Variants in CROCC observed in about 807,000 individuals in gnomAD.
The protein encoded by CROCC is rootletin.
A neutral mutation model predicts 245.2 loss-of-function variants in CROCC; 180 were observed. That is an observed-to-expected ratio of 0.73 (90% confidence interval 0.65 to 0.83). The LOEUF (loss-of-function observed/expected upper bound fraction) is 0.83. CROCC is among the 40% of genes least tolerant of loss of function. CROCC has a pLI of 0.00. For synonymous variants in CROCC, 1,205 were observed against 1,241.6 expected (o/e 0.97, Z 0.62); for missense variants, 2,688 against 2,779.4 (o/e 0.97, Z 0.74).
chr1:16,971,132 T>TTGCACATACACA (rs1464162310), intron 35 of CROCC, among the ~76,000 whole-genome samples: 1 of 152,126 alleles, frequency 6.6e-6, no homozygotes, highest in African/African-American at 2.4e-5. Context: ...AGTTGGGCCT[T>TTGCACATACACA]TGCACATACA....
intron 13 of CROCC, among the ~76,000 whole-genome samples, chr1:16,940,553 A>AT (rs1206500335): frequency 2.6e-4 from 39 of 152,188 alleles, no homozygotes; most frequent in Non-Finnish European, 5.4e-4. Flanking sequence ...CGCCCGGCTA[A>AT]TTTTTTTTGT....
upstream of CROCC, among the ~76,000 whole-genome samples, chr1:16,920,279 A>G (rs2075376494): frequency 1.3e-5 from 2 of 152,234 alleles, no homozygotes; most frequent in Admixed American, 6.5e-5. Flanking sequence ...GGGTTTCACC[A>G]TGTAGGCCAG....
chr1:16,922,295 G>A (rs115619445), intron 1 of CROCC, among the ~76,000 whole-genome samples: 5,265 of 151,174 alleles, frequency 0.035, no homozygotes, highest in Middle Eastern at 0.061. Flanking sequence ...AGTGCCCTGG[G>A]TTGGGAGAAG....
intron 8 of CROCC, among the ~76,000 whole-genome samples, chr1:16,934,075 C>T (rs1303304599): frequency 6.6e-6 from 1 of 152,230 alleles, no homozygotes; most frequent in Non-Finnish European, 1.5e-5. Flanking sequence ...ATCAAGACTC[C>T]ATAAGTAGAA....
At chr1:16,921,917 G>C (rs2075414735), upstream of CROCC, 1 of 1,252,510 alleles carries the variant, frequency 8.0e-7, no homozygotes, top group Admixed American at 2.1e-5. Context: ...AGCTTAATCT[G>C]CCTGGTGCTC....
intron 1 of CROCC, among the ~76,000 whole-genome samples, chr1:16,915,381 A>G (rs886300320): frequency 2.0e-5 from 3 of 152,294 alleles, no homozygotes; most frequent in Non-Finnish European, 4.4e-5. Flanking sequence ...TGGAAGTGAC[A>G]GTGAGCTAAG....
chr1:16,930,590 A>G lies in CROCC; in HGVS notation c.845A>G (p.Glu282Gly), dbSNP rs777191621. 1.2e-6 allele frequency: 2 copies of G among 1,608,872 alleles called. No individual in the cohort carries two copies. Among genetic ancestry groups the G allele is most frequent in the East Asian group, 4.5e-5 (2 of 44,834 alleles). The change falls in exon 7 of 37, where the codon GAG becomes GGG. Residue 282 changes from glutamate (E) to glycine (G), a missense_variant. Around this residue, in one of 9 missense-constraint regions of CROCC, gnomAD observed 972 missense variants for 895.3 expected, o/e 1.09. Transcript: ENST00000375541. Reference sequence around the variant, plus strand: ...CGGGAGGCGGCGTGGAGGCGCGAGGAGGAGGTGGGCATGGGGGTGCAGGGA... The same window carrying G: ...CGGGAGGCGGCGTGGAGGCGCGAGGGGGAGGTGGGCATGGGGGTGCAGGGA... ...EHREAAWRRE[E>G]ESFNAYFSNE... is the part of the protein sequence containing the mutation.
chr1:16,938,108 C>T (rs574022830), intron 10 of CROCC, among the ~76,000 whole-genome samples: 97 of 152,382 alleles, frequency 6.4e-4, no homozygotes, highest in African/African-American at 2.2e-3. Flanking sequence ...GGGACACTCA[C>T]TCCCCCAGGG....
rs571212345 is a variant in CROCC at position 16,967,511 on chromosome 1, G to A, written c.4861-692G>A. Among the ~76,000 whole-genome samples the A allele has an allele frequency of 3.4e-4, 52 of 152,336 alleles. 1 individual carries two copies. The South Asian group carries it at 0.011, about 31-fold the overall frequency. Reference sequence around the variant, plus strand: ...GCAGGAGGAGGCCAGGAACAAAGCTGGGCAGGAGCCAGAGTGGGGGCCCCA... The same window carrying A: ...GCAGGAGGAGGCCAGGAACAAAGCTAGGCAGGAGCCAGAGTGGGGGCCCCA... On this transcript the variant is annotated intron_variant, in intron 30 of 36. Transcript: ENST00000375541.
upstream of CROCC, among the ~76,000 whole-genome samples, chr1:16,917,234 A>G (rs1200607290): frequency 2.6e-5 from 4 of 152,304 alleles, no homozygotes; most frequent in Non-Finnish European, 4.4e-5. Context: ...AACTTCGCTG[A>G]GACTTCACGC....
chr1:16,972,504 T>C lies in CROCC; in HGVS notation c.*58T>C, dbSNP rs1401330542. ...CCTGGGACAGGGGAGGACCCTTCTT[T>C]TGGACAGCCCCCCCACCCAGAGCCC... On this transcript the variant is annotated 3_prime_UTR_variant, in exon 37 of 37. Coordinates refer to ENST00000375541, the MANE Select transcript of CROCC (RefSeq NM_014675.5). The C allele has an allele frequency of 2.4e-6, 3 of 1,244,382 alleles. No homozygotes were observed. The East Asian group carries it at 8.0e-5, about 33-fold the overall frequency. 77.1% of individuals were successfully genotyped at this position (1,244,382 alleles called of 1,614,324 possible).
rs201125151 is a variant in CROCC, at chr1:16,944,119, C to T, written c.1828C>T (p.His610Tyr). 1.8e-4 allele frequency: 283 copies of T among 1,557,028 alleles called. No homozygotes were observed. The African/African-American group carries it at 3.4e-3, about 18-fold the overall frequency. ...CTGAAGGGAGAAGAGCAACCTGGCC[C>T]ACAGCCTGCAGGTGGCCCAGCAGCA... is the stretch of plus-strand genomic sequence containing the variant. ...LLSREKSNLA[H>Y]SLQVAQQQAE... The change falls in exon 14 of 37, where the codon CAC (histidine) becomes TAC (tyrosine). Residue 610 changes from histidine to tyrosine, a missense_variant. By Grantham distance (83) the His-to-Tyr change is moderately conservative. Coordinates refer to ENST00000375541, the MANE Select transcript of CROCC (RefSeq NM_014675.5).
At chr1:16,949,563 A>C (rs762262388) in intron 19 of CROCC, among the ~76,000 whole-genome samples, 4 of 152,136 alleles carry the variant, frequency 2.6e-5, no homozygotes, top group Non-Finnish European at 4.4e-5. Flanking sequence ...GGGTATGTTC[A>C]TGTCAGTCAT....
At chr1:16,956,268 T>TC in intron 25 of CROCC, 112 bp downstream of exon 25, 2 of 1,159,798 alleles carry the variant, frequency 1.7e-6, no homozygotes, top group Non-Finnish European at 2.4e-6. Context: ...GGGCTTGAAC[T>TC]ATGACAAGCC....
intron 3 of CROCC, among the ~76,000 whole-genome samples, chr1:16,927,553 T>A (rs936009703): frequency 1.3e-5 from 2 of 152,256 alleles, no homozygotes; most frequent in African/African-American, 2.4e-5. Context: ...CAGCCACAGA[T>A]GCCGCCTTAG....
rs772636770 is a variant in CROCC at position 16,939,001 on chromosome 1, C to G, written c.1467C>G (p.Gly489=). The G allele has an allele frequency of 2.5e-6, 4 of 1,603,538 alleles. No homozygotes were observed. In the Admixed American group the frequency reaches 6.9e-5, roughly 28 times the overall value. ...ASNGSLRGLS[G]QRTPSPPRRS... ...ACGGCAGCCTGCGGGGGCTCTCGGG[C>G]CAGCGGACCCCGTCCCCACCGCGGC... The change falls in exon 12 of 37, where the codon GGC becomes GGG. Residue 489 remains glycine (G), a synonymous_variant. Coordinates refer to ENST00000375541, the MANE Select transcript of CROCC (RefSeq NM_014675.5).
intron 17 of CROCC, among the ~76,000 whole-genome samples, chr1:16,947,971 A>C (rs1170975880): frequency 3.3e-5 from 5 of 152,224 alleles, no homozygotes; most frequent in African/African-American, 1.2e-4. Context: ...CCCAAGTAGC[A>C]GGGACTACAG....
intron 1 of CROCC, among the ~76,000 whole-genome samples, chr1:16,915,479 A>G (rs1272444972): frequency 2.6e-5 from 4 of 151,650 alleles, no homozygotes; most frequent in Admixed American, 2.6e-4. Context: ...CATCTCTACA[A>G]CAAGTAAAAA....
At chr1:16,923,505 C>T (rs1391924729) in intron 2 of CROCC, among the ~76,000 whole-genome samples, 1 of 152,220 alleles carries the variant, frequency 6.6e-6, no homozygotes, top group Non-Finnish European at 1.5e-5. Flanking sequence ...AGGTGGACAA[C>T]CCCGCTTCTC....
Sources: allele counts gnomAD v4.1 joint callset (sites outside exome capture counted in the v4.1 genomes callset), GRCh38; gene constraint gnomAD v4.1.1; regional missense constraint gnomAD v4.1.1; transcripts MANE v1.5; gene names NCBI Gene and HGNC (gene_info 2026-07-23, HGNC 2026-07-21).